Variants in TASOR2 observed in about 807,000 individuals in gnomAD.
TASOR2 encodes transcription activation suppressor family member 2.
TASOR2 carries 84 observed loss-of-function variants against 199.5 expected under a neutral mutation model. The observed-to-expected ratio is 0.42, with a 90% CI of 0.35 to 0.50. The LOEUF is 0.50. Among genes scored for constraint, TASOR2 ranks in the 20% least tolerant of loss-of-function variants. The pLI, the probability that TASOR2 is intolerant of heterozygous loss-of-function variation, is 0.02. For synonymous variants in TASOR2, 1,103 were observed against 1,046.6 expected, an observed-to-expected ratio of 1.05 and a Z score of -1.04; for missense variants, 2,796 against 2,835.9, an observed-to-expected ratio of 0.99 and a Z score of 0.32.
At position 5,696,183 on chromosome 10, in the gene TASOR2, C is replaced by T. The variant is rs114792216; in HGVS notation, c.-288+11008C>T. Among the ~76,000 whole-genome samples, 1,021 of 152,244 alleles carry T rather than the reference C, an allele frequency of 6.7e-3. 19 individuals are homozygous for T. The highest frequency in any genetic ancestry group is 0.023 in the African/African-American group (975 of 41,530). On this transcript the variant is annotated intron_variant, in intron 1 of 20. Transcript: ENST00000328090. ...TCCAAACTATCAGGCTTACGTGCCC[C>T]TCAACAAAACATTAACGGATTCTTA...
At position 5,754,063 on chromosome 10, in the gene TASOR2, G is replaced by T. The variant is rs371600213; in HGVS notation, c.6607-2550G>T. On this transcript the variant is annotated intron_variant, in intron 15 of 20. Transcript: ENST00000328090. The surrounding 1 kb of genome is among the most constrained non-coding windows in gnomAD (Gnocchi z 4.3). ...CTCATGCCTGTAATCCCAGCACTTT[G>T]GGAGGCCGAGGCAGGTGGATCACCT... Among the ~76,000 whole-genome samples, 22 of 152,252 alleles carry T rather than the reference G, an allele frequency of 1.4e-4. No homozygotes were observed. Among genetic ancestry groups the T allele is most frequent in the Admixed American group, 1.1e-3 (17 of 15,294 alleles).
chr10:5,721,712 TAATC>T (rs753450407), intron 6 of TASOR2, among the ~76,000 whole-genome samples: 3 of 152,212 alleles, frequency 2.0e-5, no homozygotes, highest in Admixed American at 2.0e-4. Flanking sequence ...AACACCATAA[TAATC>T]AACCAGTGTG....
rs780272879 is a variant in TASOR2 at position 5,751,107 on chromosome 10, G to A, written c.6606+1080G>A. ...GCATTCATTGTATCAGGAGGCACCC[G>A]ATGTTGATTTATCCCCTTACTGGTA... On this transcript the variant is annotated intron_variant, in intron 15 of 20. Transcript: ENST00000328090. The surrounding 1 kb of genome is among the most constrained non-coding windows in gnomAD (Gnocchi z 5.3). Among the ~76,000 whole-genome samples the A allele has an allele frequency of 1.3e-5, 2 of 152,174 alleles. No homozygotes were observed. Among genetic ancestry groups the A allele is most frequent in the African/African-American group, 2.4e-5 (1 of 41,444 alleles).
intron 1 of TASOR2, among the ~76,000 whole-genome samples, chr10:5,696,338 G>A (rs1588597925): frequency 1.3e-5 from 2 of 152,122 alleles, no homozygotes; most frequent in African/African-American, 2.4e-5. Context: ...CATTGTTCAC[G>A]TACCACAGCT....
intron 2 of TASOR2, among the ~76,000 whole-genome samples, chr10:5,715,448 T>C (rs7904447): frequency 0.99 from 151,432 of 152,230 alleles, 75,325 homozygotes; most frequent in East Asian, 1. Context: ...TATAGATTTG[T>C]CTATTCTAGA....
At chr10:5,762,738 C>G in intron 20 of TASOR2, 92 bp downstream of exon 21, 1 of 742,812 alleles carries the variant, frequency 1.3e-6, no homozygotes, top group Non-Finnish European at 2.3e-6. Flanking sequence ...AGTTGGGAAA[C>G]TGTTGTTTAC....
In TASOR2 at chr10:5,742,080, T is replaced by C; in HGVS notation, c.2328-17T>C. ...CATTTTCAATGATTTTCATGTGTTC[T>C]TTCTGTAAACTCTTAGGCCCTGGAA... On this transcript the variant is annotated splice_polypyrimidine_tract_variant and intron_variant, in intron 13 of 20. Coordinates refer to ENST00000328090, the Ensembl canonical transcript of TASOR2. This position sits in a 1 kb window ranked among gnomAD's most constrained non-coding sequence, Gnocchi z 4.2. 1.2e-6 allele frequency: 2 copies of C among 1,602,314 alleles called. No individual in the cohort carries two copies. The highest frequency in any genetic ancestry group is 1.7e-6 in the Non-Finnish European group (2 of 1,177,360).
rs186328637 is a variant in TASOR2, at chr10:5,751,100, G to C, written c.6606+1073G>C. 6.6e-6 allele frequency among the ~76,000 whole-genome samples: 1 copy of C among 152,278 alleles called. No individual in the cohort carries two copies. The highest frequency in any genetic ancestry group is 6.5e-5 in the Admixed American group (1 of 15,302). ...TGTCAGTGCATTCATTGTATCAGGAGGCACCCGATGTTGATTTATCCCCTT... is the reference window on the plus strand; with the variant it reads ...TGTCAGTGCATTCATTGTATCAGGACGCACCCGATGTTGATTTATCCCCTT... On this transcript the variant is annotated intron_variant, in intron 15 of 20. Coordinates refer to ENST00000328090, the Ensembl canonical transcript of TASOR2. This position sits in a 1 kb window ranked among gnomAD's most constrained non-coding sequence, Gnocchi z 5.3.
chr10:5,713,404 A>G (rs531954678), intron 2 of TASOR2, among the ~76,000 whole-genome samples: 2 of 152,294 alleles, frequency 1.3e-5, no homozygotes, highest in East Asian at 3.9e-4. Context: ...AAATTATGGG[A>G]GAAGGAAAGG....
chr10:5,739,709 T>C (rs760854753), exon 13 of TASOR2: 1 of 1,613,928 alleles, frequency 6.2e-7, no homozygotes, highest in South Asian at 1.1e-5. Flanking sequence ...AACCAGAAAA[T>C]ACCACAGCGG....
chr10:5,740,510 G>A lies in TASOR2; in HGVS notation c.2327+13G>A. The A allele has an allele frequency of 6.3e-7, 1 of 1,595,252 alleles. No individual in the cohort carries two copies. Among genetic ancestry groups the A allele is most frequent in the African/African-American group, 1.3e-5 (1 of 74,672 alleles). On this transcript the variant is annotated intron_variant, in intron 13 of 20. Transcript: ENST00000328090. The surrounding 1 kb of genome is among the most constrained non-coding windows in gnomAD (Gnocchi z 5.3). ...GAGCATTACATGGGTGAGTATGAGT[G>A]AAACTTAGTGAAAATGGATGAAACT...
intron 1 of TASOR2, among the ~76,000 whole-genome samples, chr10:5,696,437 G>A (rs184185852): frequency 1.6e-4 from 24 of 152,250 alleles, no homozygotes; most frequent in Admixed American, 3.3e-4. Flanking sequence ...ACTCACTATA[G>A]CGTTGAACTC....
At chr10:5,714,301 A>G (rs149229894) in intron 2 of TASOR2, 94 bp downstream of exon 3, 2 of 703,270 alleles carry the variant, frequency 2.8e-6, no homozygotes, top group Non-Finnish European at 2.0e-6. Context: ...GTATATTAAA[A>G]GCCAGTTTCA....
chr10:5,724,426 A>G lies in TASOR2; in HGVS notation c.248-4A>G, dbSNP rs184442211. ...AAGAAATGTTTTTCTGGTTTTCTCT[A>G]CAGTCTGTTTTCAAGATTTGTGCTT... On this transcript the variant is annotated splice_polypyrimidine_tract_variant and splice_region_variant and intron_variant, in intron 7 of 20. Transcript: ENST00000328090. The G allele has an allele frequency of 8.3e-5, 123 of 1,486,864 alleles. 1 individual carries two copies. The East Asian group carries it at 3.2e-3, about 38-fold the overall frequency. The allele number at this position is 1,486,864 out of a possible 1,614,324, so 92.1% of individuals were successfully genotyped here. A position where few individuals can be genotyped will look rare whatever the true frequency, so the allele number is the denominator to read the frequency against.
Position 5,730,959 on chromosome 10 carries a change from T to C in TASOR2, c.960T>C (p.Thr320=). The change falls in exon 11 of 21, where the codon ACT becomes ACC. Residue 320 remains threonine (T), a synonymous_variant. Transcript: ENST00000328090. This position sits in a 1 kb window ranked among gnomAD's most constrained non-coding sequence, Gnocchi z 4.1. ...CAGAGGCAGAAGTGAGAAAAGAAAC[T>C]GAAACAAAAAAGGATTCTGAAGAAA... is the stretch of plus-strand genomic sequence containing the variant. 1 of 1,613,844 alleles carries C rather than the reference T, an allele frequency of 6.2e-7. No homozygotes were observed. The highest frequency in any genetic ancestry group is 8.5e-7 in the Non-Finnish European group (1 of 1,179,936).
rs1400061466 is a variant in TASOR2 at position 5,720,612 on chromosome 10, T to A, written c.-31T>A. On this transcript the variant is annotated 5_prime_UTR_variant, in exon 4 of 21. Coordinates refer to ENST00000328090, the Ensembl canonical transcript of TASOR2. This position sits in a 1 kb window ranked among gnomAD's most constrained non-coding sequence, Gnocchi z 5.3. Reference sequence around the variant, plus strand: ...CCAGACAGATCTGTCCTTATGTAATTGTAGCTTTTCGATACAGGGAATCTA... The same window carrying A: ...CCAGACAGATCTGTCCTTATGTAATAGTAGCTTTTCGATACAGGGAATCTA... 6.2e-7 allele frequency: 1 copy of A among 1,613,972 alleles called. No homozygotes were observed. Among genetic ancestry groups the A allele is most frequent in the Non-Finnish European group, 8.5e-7 (1 of 1,179,970 alleles).
intron 1 of TASOR2, among the ~76,000 whole-genome samples, chr10:5,707,073 A>G (rs915712836): frequency 2.6e-5 from 4 of 152,100 alleles, no homozygotes; most frequent in African/African-American, 9.7e-5. Context: ...CTTCCTTGCT[A>G]ACAAATACTA....
intron 14 of TASOR2, chr10:5,743,939 A>G (rs1296614989): frequency 6.6e-6 from 1 of 152,118 alleles, no homozygotes; most frequent in Non-Finnish European, 1.5e-5. Flanking sequence ...CAGTTGGCAC[A>G]CTGGAATGTG....
rs1211746761 is a variant in TASOR2, at chr10:5,689,795, T to C, written c.-288+4620T>C. 6.6e-6 allele frequency among the ~76,000 whole-genome samples: 1 copy of C among 152,244 alleles called. No individual in the cohort carries two copies. The highest frequency in any genetic ancestry group is 1.5e-5 in the Non-Finnish European group (1 of 68,040). On this transcript the variant is annotated intron_variant, in intron 1 of 20. Coordinates refer to ENST00000328090, the Ensembl canonical transcript of TASOR2. The surrounding 1 kb of genome is among the most constrained non-coding windows in gnomAD (Gnocchi z 4.1). ...ATTCTCTTCTGGTCTTTTACTCTTC[T>C]TTCACTTTGTTTCCCACAGCTTCCC...
Sources: allele counts gnomAD v4.1 joint callset (sites outside exome capture counted in the v4.1 genomes callset), GRCh38; gene constraint gnomAD v4.1.1; non-coding constraint Gnocchi (gnomAD v3.1); transcripts MANE v1.5; gene names NCBI Gene and HGNC (gene_info 2026-07-23, HGNC 2026-07-21).